Variants in LONP1 observed in about 807,000 individuals in gnomAD.
The protein encoded by LONP1 is lon protease homolog, mitochondrial.
In LONP1, 31 loss-of-function variants were observed where a neutral mutation model predicts 98.5. The observed-to-expected ratio is 0.31, with a 90% CI of 0.24 to 0.42. LONP1 has a LOEUF of 0.42. LONP1 is among the 20% of genes least tolerant of loss of function. The pLI is 1.00. For synonymous variants in LONP1, 781 were observed against 594.7 expected (o/e 1.31, Z -4.56); for missense variants, 1,336 against 1,350.6 (o/e 0.99, Z 0.17).
In LONP1 at chr19:5,719,833, G is replaced by C; in HGVS notation, c.300C>G (p.Ser100Arg). ...AEEGAGGAGGSAGAGEGPVIT... is the reference protein window; with the variant it reads ...AEEGAGGAGGRAGAGEGPVIT... ...TGACCGGGCCTTCCCCGGCGCCCGCGCTGCCCCCCGCGCCGCCGGCTCCTT... is the reference window on the plus strand; with the variant it reads ...TGACCGGGCCTTCCCCGGCGCCCGCCCTGCCCCCCGCGCCGCCGGCTCCTT... The change falls in exon 1 of 18, where the codon AGC (serine) becomes AGG (arginine). Residue 100 changes from serine to arginine, a missense_variant. By Grantham distance (110) the Ser-to-Arg change is moderately radical. Transcript: ENST00000360614. The C allele has an allele frequency of 6.2e-7, 1 of 1,608,930 alleles. No homozygotes were observed. Among genetic ancestry groups the C allele is most frequent in the Non-Finnish European group, 8.5e-7 (1 of 1,178,422 alleles).
At chr19:5,698,913 C>G (rs1165138735) in intron 10 of LONP1, 114 bp downstream of exon 10, 11 of 1,088,766 alleles carry the variant, frequency 1.0e-5, no homozygotes, top group Non-Finnish European at 3.8e-6. Context: ...TGAGTGGAAT[C>G]GGTTGCCCAC....
At chr19:5,696,883 G>T (rs554412098) in intron 10 of LONP1, 126 bp from the exon 11 acceptor site, 4 of 647,540 alleles carry the variant, frequency 6.2e-6, no homozygotes, top group African/African-American at 5.5e-5. Flanking sequence ...CATGATGTGG[G>T]AGGCGGAAAT....
rs1403622235 is a variant in LONP1 at position 5,693,666 on chromosome 19, C to T, written c.2424G>A (p.Glu808=). 6 of 1,613,984 alleles carry T rather than the reference C, an allele frequency of 3.7e-6. No individual in the cohort carries two copies. In the African/African-American group the frequency reaches 5.3e-5, roughly 14 times the overall value. ...GSLEVTGQLG[E]VMKESARIAY... is the part of the protein sequence containing the mutation. Reference sequence around the variant, plus strand: ...CTATGCGGGCGCTCTCCTTCATCACCTCCCCCAGCTGGCCTGTCACCTCCA... The same window carrying T: ...CTATGCGGGCGCTCTCCTTCATCACTTCCCCCAGCTGGCCTGTCACCTCCA... The change falls in exon 16 of 18, where the codon GAG becomes GAA. Residue 808 remains glutamate, a synonymous_variant. Coordinates refer to ENST00000360614, the MANE Select transcript of LONP1 (RefSeq NM_004793.4).
chr19:5,708,452 G>A (rs781607747), intron 4 of LONP1, 49 bp from the exon 5 acceptor site: 4 of 1,389,236 alleles, frequency 2.9e-6, no homozygotes, highest in Non-Finnish European at 4.0e-6. Flanking sequence ...GCTCCAGCAG[G>A]GGGTGGGCTG....
At chr19:5,718,696 G>A (rs1005806918) in intron 1 of LONP1, among the ~76,000 whole-genome samples, 1 of 150,890 alleles carries the variant, frequency 6.6e-6, no homozygotes, top group African/African-American at 2.5e-5. Flanking sequence ...TTCCACATCA[G>A]TAGTTTTTTT....
At chr19:5,694,665 G>C (rs577572950) in intron 14 of LONP1, 96 bp downstream of exon 14, 1 of 1,561,574 alleles carries the variant, frequency 6.4e-7, no homozygotes, top group African/African-American at 1.3e-5. Flanking sequence ...GGTGATGGGC[G>C]CAGGAAAGTG....
At chr19:5,716,728 T>C (rs969815718) in intron 1 of LONP1, among the ~76,000 whole-genome samples, 1 of 152,146 alleles carries the variant, frequency 6.6e-6, no homozygotes, top group Admixed American at 6.6e-5. Context: ...CAATTTTACT[T>C]TCTGAAGAAA....
chr19:5,691,950 A>G lies in LONP1; in HGVS notation c.*82T>C, dbSNP rs528960981. 4.5e-6 allele frequency: 4 copies of G among 880,912 alleles called. No individual in the cohort carries two copies. The Admixed American group carries it at 9.6e-5, about 21-fold the overall frequency. The allele number at this position is 880,912 out of a possible 1,614,324, so 54.6% of individuals were successfully genotyped here. A position where few individuals can be genotyped will look rare whatever the true frequency, so the allele number is the denominator to read the frequency against. ...CTGCTCGCTCGGTGGCTCCACTGCC[A>G]GGTCCGGGCGCGCTCCCCACAGCGC... On this transcript the variant is annotated 3_prime_UTR_variant, in exon 18 of 18. Coordinates refer to ENST00000360614, the MANE Select transcript of LONP1 (RefSeq NM_004793.4).
chr19:5,693,509 C>T, intron 16 of LONP1, 43 bp downstream of exon 16: 9 of 1,612,486 alleles, frequency 5.6e-6, no homozygotes, highest in Non-Finnish European at 7.6e-6. Flanking sequence ...GCCAGCAGCC[C>T]AGGGACTGGG....
In LONP1 at chr19:5,719,806, T is replaced by C. The variant is rs2055400407; in HGVS notation, c.327A>G (p.Ile109Met). The change falls in exon 1 of 18, where the codon ATA becomes ATG. Residue 109 changes from isoleucine to methionine, a missense_variant. This residue lies in a region of LONP1 where 457 missense variants were observed against 403.1 expected (regional missense o/e 1.13). Coordinates refer to ENST00000360614, the MANE Select transcript of LONP1 (RefSeq NM_004793.4). ...GGATCGTCATGGGCGTGAGCGCCGT[T>C]ATGACCGGGCCTTCCCCGGCGCCCG... is the stretch of plus-strand genomic sequence containing the variant. Reference protein sequence around the residue: ...GSAGAGEGPVITALTPMTIPD... With the variant: ...GSAGAGEGPVMTALTPMTIPD... 1 of 1,612,408 alleles carries C rather than the reference T, an allele frequency of 6.2e-7. No individual in the cohort carries two copies. The highest frequency in any genetic ancestry group is 8.5e-7 in the Non-Finnish European group (1 of 1,179,846).
At chr19:5,694,356 C>T (rs572317129) in intron 15 of LONP1, 31 bp downstream of exon 15, 14 of 1,607,324 alleles carry the variant, frequency 8.7e-6, no homozygotes, top group South Asian at 2.2e-5. Context: ...ATGGGAATGG[C>T]TTTGGGGTCT....
chr19:5,720,334 G>A (rs2055424015), upstream of LONP1: 2 of 769,080 alleles, frequency 2.6e-6, no homozygotes, highest in Admixed American at 3.7e-5. Flanking sequence ...CACTTTATGC[G>A]CTGAAGGCCT....
At chr19:5,710,195 C>T (rs1284424066) in intron 4 of LONP1, among the ~76,000 whole-genome samples, 4 of 151,546 alleles carry the variant, frequency 2.6e-5, no homozygotes, top group East Asian at 4.0e-4. Context: ...GCAATTCTCC[C>T]GCCTCAGTAA....
At chr19:5,707,650 T>G (rs1301359716) in intron 6 of LONP1, 47 bp downstream of exon 6, 1 of 1,574,964 alleles carries the variant, frequency 6.3e-7, no homozygotes, top group Non-Finnish European at 8.6e-7. Context: ...ATAGTGGAGG[T>G]GGGGTGCAGC....
At chr19:5,715,643 T>TAAAAAAAAA (rs527565499) in intron 1 of LONP1, among the ~76,000 whole-genome samples, 3 of 31,096 alleles carry the variant, frequency 9.6e-5, no homozygotes, top group East Asian at 2.2e-3. Context: ...CTCTGTCTCA[T>TAAAAAAAAA]AAAAAAAAAA....
intron 8 of LONP1, among the ~76,000 whole-genome samples, chr19:5,703,159 C>T (rs1229272654): frequency 7.6e-6 from 1 of 130,844 alleles, no homozygotes; most frequent in East Asian, 2.2e-4. Context: ...CCAGCCTGGG[C>T]AACAGAGTGA....
intron 1 of LONP1, 35 bp downstream of exon 1, chr19:5,719,669 G>A: frequency 1.9e-6 from 3 of 1,613,392 alleles, no homozygotes; most frequent in South Asian, 2.2e-5. Flanking sequence ...TTGCACAGGT[G>A]GGAAACCTGA....
intron 14 of LONP1, 92 bp from the exon 15 acceptor site, chr19:5,694,644 CGGGGTGGT>C (rs760667448): frequency 1.2e-4 from 188 of 1,543,042 alleles, no homozygotes; most frequent in Non-Finnish European, 1.6e-4. Flanking sequence ...GTGACGGGCG[CGGGGTGGT>C]GGGGTGATGG....
intron 10 of LONP1, 93 bp downstream of exon 10, chr19:5,698,934 G>C: frequency 7.5e-7 from 1 of 1,331,010 alleles, no homozygotes. Context: ...AACCCGGATT[G>C]CTCTACCAGA....
Sources: gnomAD v4.1 joint callset for allele counts (sites outside exome capture counted in the v4.1 genomes callset) on GRCh38, gnomAD v4.1.1 for gene constraint, gnomAD v4.1.1 regional missense constraint, MANE v1.5 for transcripts, NCBI Gene and HGNC (gene_info 2026-07-23, HGNC 2026-07-21) for gene names.